The following PTER variants were observed in gnomAD, a reference collection of about 807,000 sequenced individuals.
PTER encodes the protein phosphotriesterase related, also known as N-acetyltaurine hydrolase.
Under a neutral mutation model 29.6 loss-of-function variants are expected in PTER, and 38 were observed. The ratio of observed to expected loss-of-function variants is 1.28; its 90% CI spans 0.99 to 1.68. The LOEUF is 1.68. Among genes scored for constraint, PTER ranks in the 40% most tolerant of loss-of-function variants. PTER has a pLI of 0.00. For synonymous variants in PTER, 172 were observed against 154.5 expected, an observed-to-expected ratio of 1.11 and a Z score of -0.84; for missense variants, 482 against 427.8, an observed-to-expected ratio of 1.13 and a Z score of -1.12.
chr10:16,488,301 TTG>T (rs149978077), intron 3 of PTER, among the ~76,000 whole-genome samples: 1,928 of 152,296 alleles, frequency 0.013, 44 homozygotes, highest in African/African-American at 0.044. Flanking sequence ...GTGTAACATC[TTG>T]GACAGCTTAA....
At chr10:16,439,519 TA>T (rs1833774432) in intron 1 of PTER, among the ~76,000 whole-genome samples, 1 of 152,100 alleles carries the variant, frequency 6.6e-6, no homozygotes, top group South Asian at 2.1e-4. Context: ...TTAAGTTGAG[TA>T]AGCAGCCCTG....
Position 16,477,606 on chromosome 10 carries a change from C to G in PTER, c.-48-6731C>G, listed in dbSNP as rs142862803. Among the ~76,000 whole-genome samples the G allele has an allele frequency of 4.3e-3, 651 of 152,298 alleles. 9 individuals are homozygous for G. Among genetic ancestry groups the G allele is most frequent in the African/African-American group, 0.015 (612 of 41,566 alleles). ...TGCATGGATGCCATCTGGAAGTTAT[C>G]TGGTCAACCCCTTCATTTCACAGAT... On this transcript the variant is annotated intron_variant, in intron 1 of 4. Transcript: ENST00000535784.
chr10:16,460,523 T>G (rs541610121), intron 1 of PTER, among the ~76,000 whole-genome samples: 1 of 152,350 alleles, frequency 6.6e-6, no homozygotes, highest in Non-Finnish European at 1.5e-5. Flanking sequence ...ATATTTTTAT[T>G]TTAAGCATTA....
At chr10:16,452,588 C>G (rs1312048382) in intron 1 of PTER, among the ~76,000 whole-genome samples, 1 of 152,094 alleles carries the variant, frequency 6.6e-6, no homozygotes, top group Non-Finnish European at 1.5e-5. Context: ...CAGGCATGAA[C>G]TACTGCGCCC....
At chr10:16,466,442 G>A (rs1047877942) in intron 1 of PTER, among the ~76,000 whole-genome samples, 3 of 152,106 alleles carry the variant, frequency 2.0e-5, no homozygotes, top group East Asian at 1.9e-4. Flanking sequence ...TGCAACCTCC[G>A]CCTCCCCAAT....
intron 1 of PTER, among the ~76,000 whole-genome samples, chr10:16,439,851 C>T (rs533771839): frequency 2.0e-5 from 3 of 152,158 alleles, no homozygotes; most frequent in Non-Finnish European, 2.9e-5. Flanking sequence ...GCGTGAGCCA[C>T]GGCAGCCAGC....
chr10:16,515,167 A>C (rs1022660206), downstream of PTER, among the ~76,000 whole-genome samples: 2 of 151,760 alleles, frequency 1.3e-5, no homozygotes, highest in Non-Finnish European at 2.9e-5. Context: ...TAGAAAATTG[A>C]GGTATGTAAT....
intron 1 of PTER, among the ~76,000 whole-genome samples, chr10:16,463,376 T>C (rs1361850443): frequency 6.6e-6 from 1 of 152,140 alleles, no homozygotes; most frequent in African/African-American, 2.4e-5. Context: ...TCTTGTCCTG[T>C]GTTCTTTTAT....
intron 3 of PTER, among the ~76,000 whole-genome samples, chr10:16,499,267 T>C (rs1387487715): frequency 2.0e-5 from 3 of 152,084 alleles, no homozygotes; most frequent in African/African-American, 7.2e-5. Flanking sequence ...CCACCCCTTA[T>C]TAATATCTCA....
downstream of PTER, among the ~76,000 whole-genome samples, chr10:16,517,405 A>G (rs1428566964): frequency 6.6e-6 from 1 of 152,120 alleles, no homozygotes; most frequent in Non-Finnish European, 1.5e-5. Context: ...AAGAGTACCA[A>G]CTGGTCTTTA....
rs570099426 is a variant in PTER, at chr10:16,508,282, A to G, written c.840-2764A>G. 3.8e-4 allele frequency among the ~76,000 whole-genome samples: 58 copies of G among 151,982 alleles called. 1 individual carries two copies. Among genetic ancestry groups the G allele is most frequent in the African/African-American group, 1.4e-3 (58 of 41,440 alleles). On this transcript the variant is annotated intron_variant, in intron 4 of 4. Coordinates refer to ENST00000535784, the MANE Select transcript of PTER (RefSeq NM_001261836.2). ...ACGGGGTTTCACCGTGTTAGCCAGG[A>G]TGGTCTTGATCTCCTGACCTCGTGA...
chr10:16,457,144 T>A (rs1834431613), intron 1 of PTER, among the ~76,000 whole-genome samples: 1 of 152,232 alleles, frequency 6.6e-6, no homozygotes, highest in South Asian at 2.1e-4. Context: ...TACATGCGCT[T>A]CATTTCTGCC....
At chr10:16,513,999 C>T, downstream of PTER, 1 of 259,132 alleles carries the variant, frequency 3.9e-6, no homozygotes, top group South Asian at 1.7e-4. Context: ...ATTCCCAGGT[C>T]TAGCTCTAAG....
chr10:16,464,758 C>T (rs11254002), intron 1 of PTER, among the ~76,000 whole-genome samples: 54,305 of 152,118 alleles, frequency 0.36, 10,338 homozygotes, highest in East Asian at 0.54. Context: ...ATGTTGTCCA[C>T]ACCGATCTCA....
At chr10:16,489,341 TA>T (rs1229919065) in intron 3 of PTER, among the ~76,000 whole-genome samples, 5 of 152,168 alleles carry the variant, frequency 3.3e-5, no homozygotes, top group East Asian at 1.9e-4. Context: ...ATTCAACCTT[TA>T]AAAAAATATT....
At chr10:16,481,681 G>A (rs1835485702) in intron 1 of PTER, among the ~76,000 whole-genome samples, 1 of 152,130 alleles carries the variant, frequency 6.6e-6, no homozygotes, top group Non-Finnish European at 1.5e-5. Flanking sequence ...CAGCTTGTGA[G>A]CTTGAAACGT....
At chr10:16,476,106 T>A (rs1835250291) in intron 1 of PTER, 1 of 152,200 alleles carries the variant, frequency 6.6e-6, no homozygotes, top group Non-Finnish European at 1.5e-5. Flanking sequence ...TATTTTGAGA[T>A]GGAGCCTCGC....
intron 1 of PTER, among the ~76,000 whole-genome samples, chr10:16,468,830 T>C (rs898267051): frequency 1.5e-4 from 23 of 151,796 alleles, no homozygotes; most frequent in African/African-American, 5.3e-4. Context: ...AAAAAAATAA[T>C]TGGGTGTGGC....
Position 16,486,452 on chromosome 10 carries a change from A to AGAGT in PTER, c.536_539dup (p.Arg181Ter). On this transcript the variant is annotated frameshift_variant, in exon 3 of 5. Transcript: ENST00000535784. LOFTEE classifies it high-confidence loss of function. ...ATTGGTTGCTCCTGGCCTTTGACTG[A>AGAGT]GAGTGAAAGAAAGGTTCTCCAGGCC... is the stretch of plus-strand genomic sequence containing the variant. 1 of 1,614,054 alleles carries AGAGT rather than the reference A, an allele frequency of 6.2e-7. No homozygotes were observed. Among genetic ancestry groups the AGAGT allele is most frequent in the East Asian group, 2.2e-5 (1 of 44,870 alleles).
Sources: allele counts gnomAD v4.1 joint callset (sites outside exome capture counted in the v4.1 genomes callset), GRCh38; gene constraint gnomAD v4.1.1; transcripts MANE v1.5; gene names NCBI Gene and HGNC (gene_info 2026-07-23, HGNC 2026-07-21).